The following DLG2 variants were observed in gnomAD, a reference collection of about 807,000 sequenced individuals.
DLG2 encodes discs large MAGUK scaffold protein 2.
DLG2 carries 45 observed loss-of-function variants against 132.5 expected under a neutral mutation model. That is an observed-to-expected ratio of 0.34 (90% CI 0.27 to 0.44). The LOEUF is 0.44. Among genes scored for constraint, DLG2 ranks in the 20% least tolerant of loss-of-function variants. The probability of loss-of-function intolerance (pLI) is 1.00; values close to 1 mark genes in which losing one functional copy is unlikely to be tolerated. For missense variants in DLG2, 1,045 were observed against 1,196.9 expected, an observed-to-expected ratio of 0.87 and a Z score of 1.87; for synonymous variants, 424 against 419.6, an observed-to-expected ratio of 1.01 and a Z score of -0.13.
intron 3 of DLG2, among the ~76,000 whole-genome samples, chr11:85,306,827 C>A (rs1356682417): frequency 6.6e-6 from 1 of 152,196 alleles, no homozygotes; most frequent in Non-Finnish European, 1.5e-5. Context: ...CCACCTTGGC[C>A]TCCCAAAGTG....
chr11:84,997,237 G>A (rs962330532), intron 6 of DLG2: 2 of 152,752 alleles, frequency 1.3e-5, no homozygotes, highest in African/African-American at 4.8e-5. Flanking sequence ...CACAAAACAA[G>A]TTACCTGTAT....
intron 9 of DLG2, among the ~76,000 whole-genome samples, chr11:84,117,462 T>A (rs2093688327): frequency 6.6e-6 from 1 of 152,242 alleles, no homozygotes; most frequent in Admixed American, 6.5e-5. Flanking sequence ...GCTTTTCTCA[T>A]CTCCCTTCAT....
chr11:83,669,882 T>C (rs529970124), intron 18 of DLG2, among the ~76,000 whole-genome samples: 2 of 152,372 alleles, frequency 1.3e-5, no homozygotes, highest in African/African-American at 4.8e-5. Context: ...CAGTTCCTCG[T>C]TAGGACAAGC....
intron 6 of DLG2, among the ~76,000 whole-genome samples, chr11:84,729,281 G>A (rs1565803473): frequency 6.6e-6 from 1 of 152,030 alleles, no homozygotes; most frequent in African/African-American, 2.4e-5. Context: ...CCGGTACATT[G>A]TGTCTTTGTT....
At chr11:84,034,179 A>G (rs954676666) in intron 11 of DLG2, among the ~76,000 whole-genome samples, 1 of 152,136 alleles carries the variant, frequency 6.6e-6, no homozygotes, top group Non-Finnish European at 1.5e-5. Context: ...AGCAGCCACC[A>G]CCCTGATCAG....
rs529398472 is a variant in DLG2, at chr11:85,622,073, C to T, written c.-93+4514G>A. Among the ~76,000 whole-genome samples the T allele has an allele frequency of 1.1e-4, 17 of 152,294 alleles. No homozygotes were observed. In the South Asian group the frequency reaches 2.7e-3, roughly 24 times the overall value. ...CTGATCAGTTAGCAGCCATCAACAA[C>T]GAAGCAAGATCTTCCACCAGCAAAA... is the stretch of plus-strand genomic sequence containing the variant. On this transcript the variant is annotated intron_variant, in intron 2 of 27. Transcript: ENST00000376104.
intron 3 of DLG2, among the ~76,000 whole-genome samples, chr11:85,295,244 T>C (rs1165282183): frequency 6.6e-6 from 1 of 152,182 alleles, no homozygotes. Flanking sequence ...GATAAGTAAC[T>C]ATATGTAATC....
At chr11:85,278,145 T>A (rs2078006656) in intron 4 of DLG2, among the ~76,000 whole-genome samples, 1 of 152,216 alleles carries the variant, frequency 6.6e-6, no homozygotes. Context: ...AGAAAGGTGA[T>A]GGGATGTCAG....
intron 4 of DLG2, among the ~76,000 whole-genome samples, chr11:85,215,029 A>G (rs2082490505): frequency 6.6e-6 from 1 of 152,162 alleles, no homozygotes; most frequent in Non-Finnish European, 1.5e-5. Flanking sequence ...ACAGTGACCT[A>G]TTTTCATACC....
chr11:85,594,479 T>G (rs2079587276), intron 3 of DLG2, among the ~76,000 whole-genome samples: 1 of 151,792 alleles, frequency 6.6e-6, no homozygotes, highest in South Asian at 2.1e-4. Context: ...TCCAAAAAAT[T>G]CCCCCTCACA....
intron 6 of DLG2, among the ~76,000 whole-genome samples, chr11:84,887,988 A>C (rs546972752): frequency 1.2e-3 from 183 of 152,280 alleles, no homozygotes; most frequent in African/African-American, 3.5e-3. Flanking sequence ...GAGTTGAAGA[A>C]GTTTCTCAGA....
At chr11:83,889,817 G>A (rs1403576642) in intron 15 of DLG2, among the ~76,000 whole-genome samples, 3 of 151,992 alleles carry the variant, frequency 2.0e-5, no homozygotes, top group Non-Finnish European at 4.4e-5. Context: ...GTAGGGACAT[G>A]GATGAAATTG....
chr11:84,007,598 C>A (rs944883041), intron 11 of DLG2, among the ~76,000 whole-genome samples: 19 of 151,508 alleles, frequency 1.3e-4, no homozygotes, highest in Admixed American at 1.1e-3. Flanking sequence ...TTAATGACTG[C>A]TTAAAAGATA....
intron 4 of DLG2, among the ~76,000 whole-genome samples, chr11:85,189,402 C>T (rs1207555740): frequency 2.0e-5 from 3 of 152,190 alleles, no homozygotes; most frequent in African/African-American, 7.2e-5. Context: ...CAATGGAATG[C>T]TATTTGGCAA....
chr11:85,230,592 A>G (rs758234599), intron 4 of DLG2, among the ~76,000 whole-genome samples: 5 of 151,858 alleles, frequency 3.3e-5, no homozygotes, highest in African/African-American at 1.2e-4. Flanking sequence ...AGCATTCTTC[A>G]TAATTCCCAG....
chr11:84,167,033 G>A (rs2095684915), intron 8 of DLG2: 1 of 532,308 alleles, frequency 1.9e-6, no homozygotes, highest in South Asian at 1.4e-5. Flanking sequence ...TCCAGTTCTG[G>A]CCCTAACTGT....
chr11:84,620,192 T>C (rs896600990), intron 6 of DLG2, among the ~76,000 whole-genome samples: 1 of 151,678 alleles, frequency 6.6e-6, no homozygotes, highest in African/African-American at 2.4e-5. Flanking sequence ...AAATATGATA[T>C]AGGACAAAGT....
intron 3 of DLG2, among the ~76,000 whole-genome samples, chr11:85,325,251 G>C (rs914629980): frequency 3.3e-5 from 5 of 152,164 alleles, no homozygotes; most frequent in African/African-American, 7.2e-5. Context: ...TGGGAAGCTC[G>C]AACTGGGCGG....
chr11:85,516,573 GA>G, intron 3 of DLG2, among the ~76,000 whole-genome samples: 1 of 151,998 alleles, frequency 6.6e-6, no homozygotes, highest in East Asian at 1.9e-4. Context: ...AATTCAATCA[GA>G]AATTTAAAAA....
Sources: allele counts gnomAD v4.1 joint callset (sites outside exome capture counted in the v4.1 genomes callset), GRCh38; gene constraint gnomAD v4.1.1; transcripts MANE v1.5; gene names NCBI Gene and HGNC (gene_info 2026-07-23, HGNC 2026-07-21).